SSBP4: variants seen among roughly 807,000 people sequenced by gnomAD.
SSBP4 encodes single stranded DNA binding protein 4, also known as single-stranded DNA-binding protein 4.
SSBP4 carries 33 observed loss-of-function variants against 64.6 expected under a neutral mutation model. The observed-to-expected ratio is 0.51, with a 90% CI of 0.39 to 0.68. The LOEUF (loss-of-function observed/expected upper bound fraction) is 0.68, where lower values mean the gene tolerates loss of function less well. SSBP4 is among the 30% of genes least tolerant of loss of function. The pLI, the probability that SSBP4 is intolerant of heterozygous loss-of-function variation, is 0.00. For missense variants in SSBP4, 583 were observed against 566.8 expected, an observed-to-expected ratio of 1.03 and a Z score of -0.29; for synonymous variants, 243 against 224.0, an observed-to-expected ratio of 1.08 and a Z score of -0.76.
chr19:18,425,186 TA>T (rs1050245952), intron 1 of SSBP4, among the ~76,000 whole-genome samples: 13 of 151,938 alleles, frequency 8.6e-5, no homozygotes, highest in African/African-American at 3.1e-4. Context: ...GGAAGGCAGG[TA>T]GAACCCTTCG....
At chr19:18,429,416 G>T (rs1444250094) in intron 4 of SSBP4, among the ~76,000 whole-genome samples, 2 of 149,450 alleles carry the variant, frequency 1.3e-5, no homozygotes, top group Non-Finnish European at 3.0e-5. Flanking sequence ...AGGGCGCGCC[G>T]CCCGGGATTA....
chr19:18,415,337 C>T (rs540677288), upstream of SSBP4, among the ~76,000 whole-genome samples: 2 of 152,152 alleles, frequency 1.3e-5, no homozygotes, highest in Non-Finnish European at 2.9e-5. Context: ...GAGGCCGTTT[C>T]CGCCACCTAT....
intron 4 of SSBP4, among the ~76,000 whole-genome samples, chr19:18,429,516 C>T (rs955869015): frequency 1.6e-4 from 24 of 151,526 alleles, no homozygotes; most frequent in Admixed American, 3.9e-4. Context: ...AACGCTCAGG[C>T]ACCCGCTGTG....
the SSBP4 span, among the ~76,000 whole-genome samples, chr19:18,410,910 C>G: frequency 1.2e-4 from 18 of 152,194 alleles, no homozygotes; most frequent in Non-Finnish European, 2.6e-4. Flanking sequence ...TGCTCAGCAA[C>G]AAATATTTGT....
intron 1 of SSBP4, among the ~76,000 whole-genome samples, chr19:18,425,240 C>T (rs1241589140): frequency 2.0e-5 from 3 of 152,076 alleles, no homozygotes; most frequent in African/African-American, 4.8e-5. Context: ...TTTGGACAGC[C>T]GTGCCCTGGG....
At chr19:18,431,478 C>T in intron 6 of SSBP4, 60 bp downstream of exon 6, 1 of 1,116,832 alleles carries the variant, frequency 9.0e-7, no homozygotes, top group East Asian at 2.6e-5. Context: ...GCGCCGCCCC[C>T]TCCCACCCTC....
At chr19:18,415,064 A>G (rs958012067), upstream of SSBP4, among the ~76,000 whole-genome samples, 1 of 88,588 alleles carries the variant, frequency 1.1e-5, no homozygotes. Context: ...AGCTCCTCCC[A>G]CCCCCCACCC....
At position 18,432,083 on chromosome 19, in the gene SSBP4, C is replaced by A. The variant is rs371767046; in HGVS notation, c.636+13C>A. Reference sequence around the variant, plus strand: ...CGTGGGGCCCCAGGTAAGAGTGGAGCCCTGGTGGGTGGGGCCTTCGGGCTG... The same window carrying A: ...CGTGGGGCCCCAGGTAAGAGTGGAGACCTGGTGGGTGGGGCCTTCGGGCTG... On this transcript the variant is annotated intron_variant, in intron 9 of 17. Coordinates refer to ENST00000270061, the MANE Select transcript of SSBP4 (RefSeq NM_032627.5). 3.1e-6 allele frequency: 5 copies of A among 1,599,302 alleles called. No homozygotes were observed. The highest frequency in any genetic ancestry group is 4.3e-6 in the Non-Finnish European group (5 of 1,170,576).
chr19:18,418,966 C>T (rs542042665), upstream of SSBP4: 23 of 985,682 alleles, frequency 2.3e-5, no homozygotes, highest in Middle Eastern at 5.2e-4. The surrounding 1 kb of genome is among the most constrained non-coding windows in gnomAD (Gnocchi z 6.7). Context: ...GGTTCCCACC[C>T]TTGCTGAGTG....
chr19:18,432,941 G>C, intron 13 of SSBP4, 32 bp from the exon 14 acceptor site: 1 of 1,614,052 alleles, frequency 6.2e-7, no homozygotes, highest in Non-Finnish European at 8.5e-7. Context: ...GGGAAACCCC[G>C]TCACACCTGG....
chr19:18,422,276 C>T (rs764135775), intron 1 of SSBP4, among the ~76,000 whole-genome samples: 17 of 152,192 alleles, frequency 1.1e-4, no homozygotes, highest in Non-Finnish European at 2.4e-4. Flanking sequence ...GGGTTAGCTG[C>T]ATTCCTGGCC....
Position 18,419,433 on chromosome 19 carries a change from A to G in SSBP4, c.-216A>G, listed in dbSNP as rs1216295790. ...ACAGCCCGCGCGGAGGAAAGGGAGGAAAAAAAGCCACCCTGCGGCCGGGGC... is the reference window on the plus strand; with the variant it reads ...ACAGCCCGCGCGGAGGAAAGGGAGGGAAAAAAGCCACCCTGCGGCCGGGGC... On this transcript the variant is annotated 5_prime_UTR_variant, in exon 1 of 18. Transcript: ENST00000270061. 1.6e-5 allele frequency: 17 copies of G among 1,041,560 alleles called. No individual in the cohort carries two copies. Among genetic ancestry groups the G allele is most frequent in the African/African-American group, 1.2e-4 (7 of 57,576 alleles). 64.5% of individuals were successfully genotyped at this position (1,041,560 alleles called of 1,614,324 possible). A position where few individuals can be genotyped will look rare whatever the true frequency, so the allele number is the denominator to read the frequency against.
upstream of SSBP4, among the ~76,000 whole-genome samples, chr19:18,417,346 G>T (rs1389180898): frequency 6.6e-6 from 1 of 152,190 alleles, no homozygotes; most frequent in African/African-American, 2.4e-5. The surrounding 1 kb of genome is among the most constrained non-coding windows in gnomAD (Gnocchi z 5.4). Context: ...AGGAACCGTG[G>T]CTCACAGGGG....
chr19:18,433,842 C>G (rs1401628248), intron 17 of SSBP4, 25 bp downstream of exon 17: 14 of 1,358,896 alleles, frequency 1.0e-5, no homozygotes, highest in African/African-American at 3.7e-5. Flanking sequence ...CGACTCCCCC[C>G]CCGCGGCGGC....
At chr19:18,428,565 G>A (rs1046869809) in intron 4 of SSBP4, among the ~76,000 whole-genome samples, 5 of 152,174 alleles carry the variant, frequency 3.3e-5, no homozygotes, top group Non-Finnish European at 7.4e-5. Flanking sequence ...CTGTTGTCAT[G>A]GGGCAGCAGA....
intron 15 of SSBP4, 87 bp downstream of exon 15, chr19:18,433,300 C>CG (rs1973628980): frequency 6.8e-7 from 1 of 1,481,260 alleles, no homozygotes; most frequent in Non-Finnish European, 9.1e-7. Flanking sequence ...GCCCGCCTGC[C>CG]GGGTGGAGGC....
Position 18,419,653 on chromosome 19 carries a change from A to T in SSBP4, c.5A>T (p.Tyr2Phe). 8.0e-7 allele frequency: 1 copy of T among 1,254,662 alleles called. No individual in the cohort carries two copies. Among genetic ancestry groups the T allele is most frequent in the Non-Finnish European group, 1.0e-6 (1 of 994,960 alleles). 77.7% of individuals were successfully genotyped at this position (1,254,662 alleles called of 1,614,324 possible). The change falls in exon 1 of 18, where the codon TAC becomes TTC. Residue 2 changes from tyrosine (Y) to phenylalanine (F), a missense_variant. Physicochemically the swap from Tyr to Phe is conservative, Grantham distance 22 (BLOSUM62 3). Transcript: ENST00000270061. M[Y>F]AKGGKGSAVP... ...GCGGCGGCGGCGTGGAGCAGCATGT[A>T]CGCCAAGGGGGGCAAGGGTTCGGCC... is the stretch of plus-strand genomic sequence containing the variant.
chr19:18,427,531 C>T lies in SSBP4; in HGVS notation c.132+108C>T. The T allele has an allele frequency of 7.1e-7, 1 of 1,399,920 alleles. No homozygotes were observed. The allele number at this position is 1,399,920 out of a possible 1,614,324, so 86.7% of individuals were successfully genotyped here. A position where few individuals can be genotyped will look rare whatever the true frequency, so the allele number is the denominator to read the frequency against. On this transcript the variant is annotated intron_variant, in intron 2 of 17. Coordinates refer to ENST00000270061, the MANE Select transcript of SSBP4 (RefSeq NM_032627.5). The surrounding 1 kb of genome is among the most constrained non-coding windows in gnomAD (Gnocchi z 4.4). Reference sequence around the variant, plus strand: ...GGCCCGCGTTGCCCCTCTGATGGCCCTGGGAACTGAGGGCTCTGCAGGGTC... The same window carrying T: ...GGCCCGCGTTGCCCCTCTGATGGCCTTGGGAACTGAGGGCTCTGCAGGGTC...
intron 5 of SSBP4, 27 bp downstream of exon 5, chr19:18,430,957 C>T (rs1207064721): frequency 6.2e-7 from 1 of 1,607,140 alleles, no homozygotes; most frequent in Non-Finnish European, 8.5e-7. Context: ...AGTCCACTGG[C>T]CCCCAACTCT....
Sources: gnomAD v4.1 joint callset for allele counts (sites outside exome capture counted in the v4.1 genomes callset) on GRCh38, gnomAD v4.1.1 for gene constraint, Gnocchi (gnomAD v3.1) non-coding constraint, MANE v1.5 for transcripts, NCBI Gene and HGNC (gene_info 2026-07-23, HGNC 2026-07-21) for gene names.